Variants in FGF20 observed in about 807,000 individuals in gnomAD.
FGF20 encodes the protein fibroblast growth factor 20.
FGF20 carries 8 observed loss-of-function variants against 16.7 expected under a neutral mutation model. That is an observed-to-expected ratio of 0.48 (90% CI 0.28 to 0.87). The LOEUF is 0.87. Ranked by LOEUF, FGF20 falls within the 40% of genes least tolerant of loss-of-function variation. The probability of loss-of-function intolerance (pLI) is 0.10; values close to 1 mark genes in which losing one functional copy is unlikely to be tolerated. For synonymous variants in FGF20, 161 were observed against 118.6 expected (o/e 1.36, Z -2.32); for missense variants, 397 against 281.4 (o/e 1.41, Z -2.94).
intron 1 of FGF20, among the ~76,000 whole-genome samples, chr8:17,001,352 T>C (rs550443070): frequency 2.0e-5 from 3 of 151,984 alleles, no homozygotes; most frequent in Admixed American, 6.5e-5. Flanking sequence ...GAGAGAAACA[T>C]ACAGGGATTT....
chr8:16,994,491 T>C, intron 2 of FGF20, among the ~76,000 whole-genome samples: 1 of 151,888 alleles, frequency 6.6e-6, no homozygotes. Context: ...TCTATTGTAA[T>C]TCTATTAATC....
Position 16,992,782 on chromosome 8 carries a change from T to A in FGF20, c.*290A>T. ...AGGTGAGGCACCAGCAGCAACCATG[T>A]GAGGGTTCCCATTATCCACAGTTTA... On this transcript the variant is annotated 3_prime_UTR_variant, in exon 3 of 3. Transcript: ENST00000180166. The A allele has an allele frequency of 4.0e-6, 1 of 252,872 alleles. No homozygotes were observed. The highest frequency in any genetic ancestry group is 5.2e-5 in the Admixed American group (1 of 19,292). 15.7% of individuals were successfully genotyped at this position (252,872 alleles called of 1,614,324 possible). A position where few individuals can be genotyped will look rare whatever the true frequency, so the allele number is the denominator to read the frequency against.
At chr8:17,001,111 G>C (rs1810170123) in intron 1 of FGF20, among the ~76,000 whole-genome samples, 1 of 121,434 alleles carries the variant, frequency 8.2e-6, no homozygotes, top group African/African-American at 3.7e-5. Flanking sequence ...ACCTCAGACA[G>C]GTGAGCCCTA....
chr8:17,001,340 C>T (rs1208428824), intron 1 of FGF20, among the ~76,000 whole-genome samples: 1 of 152,026 alleles, frequency 6.6e-6, no homozygotes, highest in South Asian at 2.1e-4. Context: ...GAAAGGAAAT[C>T]GGAGAGAAAC....
chr8:16,995,501 G>C (rs1189814136), intron 2 of FGF20, among the ~76,000 whole-genome samples, 154 bp downstream of exon 2: 1 of 152,086 alleles, frequency 6.6e-6, no homozygotes, highest in Non-Finnish European at 1.5e-5. Flanking sequence ...CTATTGCCCA[G>C]ACACATGGAA....
Position 16,992,307 on chromosome 8 carries a change from T to C in FGF20, c.*765A>G, listed in dbSNP as rs1366542410. 5 of 152,084 alleles carry C rather than the reference T, an allele frequency of 3.3e-5. No individual in the cohort carries two copies. The highest frequency in any genetic ancestry group is 6.5e-5 in the Admixed American group (1 of 15,274). 9.4% of individuals were successfully genotyped at this position (152,084 alleles called of 1,614,324 possible). A position where few individuals can be genotyped will look rare whatever the true frequency, so the allele number is the denominator to read the frequency against. ...AATTGACTGCATAAAAAATATAATC[T>C]ATACTATATTTTAAAAAGAAATTCA... On this transcript the variant is annotated 3_prime_UTR_variant, in exon 3 of 3. Transcript: ENST00000180166.
rs760057737 is a variant in FGF20 at position 17,001,885 on chromosome 8, C to A, written c.148G>T (p.Gly50Cys). 7.0e-7 allele frequency: 1 copy of A among 1,437,110 alleles called. No homozygotes were observed. The highest frequency in any genetic ancestry group is 9.1e-7 in the Non-Finnish European group (1 of 1,100,166). 89.0% of individuals were successfully genotyped at this position (1,437,110 alleles called of 1,614,324 possible). Reference protein sequence around the residue: ...RRSAAERSARGGPGAAQLAHL... With the variant: ...RRSAAERSARCGPGAAQLAHL... ...GCCAGCTGCGCAGCCCCCGGCCCGC[C>A]GCGCGCGCTCCGCTCCGCCGCGCTC... The change falls in exon 1 of 3, where the codon GGC becomes TGC. Residue 50 changes from glycine to cysteine, a missense_variant. Gly to Cys is a radical substitution (Grantham distance 159). Coordinates refer to ENST00000180166, the MANE Select transcript of FGF20 (RefSeq NM_019851.3).
At chr8:16,998,063 T>C (rs1810097556) in intron 1 of FGF20, among the ~76,000 whole-genome samples, 2 of 152,196 alleles carry the variant, frequency 1.3e-5, no homozygotes, top group South Asian at 4.1e-4. Flanking sequence ...CAATAAAATA[T>C]GGCTTTAATG....
chr8:16,999,483 G>A (rs1231862067), intron 1 of FGF20, among the ~76,000 whole-genome samples: 1 of 137,502 alleles, frequency 7.3e-6, no homozygotes. Context: ...TTTTTTTTCT[G>A]TCACTGGAGA....
intron 2 of FGF20, among the ~76,000 whole-genome samples, chr8:16,994,372 G>A (rs1249302053): frequency 2.0e-5 from 3 of 152,074 alleles, no homozygotes; most frequent in East Asian, 1.9e-4. Flanking sequence ...GATCTTTTAC[G>A]ATTAAGATTT....
In FGF20 at chr8:16,992,353, G is replaced by C. The variant is rs1441643174; in HGVS notation, c.*719C>G. 1 of 151,952 alleles carries C rather than the reference G, an allele frequency of 6.6e-6. No individual in the cohort carries two copies. The highest frequency in any genetic ancestry group is 1.5e-5 in the Non-Finnish European group (1 of 67,970). 9.4% of individuals were successfully genotyped at this position (151,952 alleles called of 1,614,324 possible). ...ATTCAAAATCTGATTCTATGGTTAA[G>C]GTGGTATAATAATGTCCTCTTTACA... On this transcript the variant is annotated 3_prime_UTR_variant, in exon 3 of 3. Coordinates refer to ENST00000180166, the MANE Select transcript of FGF20 (RefSeq NM_019851.3).
rs1053348073 is a variant in FGF20, at chr8:17,001,701, C to A, written c.286+46G>T. ...GGTGCAAGGGGAGGGAACGAGGAGC[C>A]GAGCTGGGGCGCAGATGGGGGTGGG... On this transcript the variant is annotated intron_variant, in intron 1 of 2. Coordinates refer to ENST00000180166, the MANE Select transcript of FGF20 (RefSeq NM_019851.3). 9 of 1,513,738 alleles carry A rather than the reference C, an allele frequency of 5.9e-6. No homozygotes were observed. In the East Asian group the frequency reaches 2.2e-4, roughly 37 times the overall value. The allele number at this position is 1,513,738 out of a possible 1,614,324, so 93.8% of individuals were successfully genotyped here.
chr8:16,998,442 T>G (rs1810106053), intron 1 of FGF20, among the ~76,000 whole-genome samples: 1 of 152,238 alleles, frequency 6.6e-6, no homozygotes, highest in Admixed American at 6.5e-5. Flanking sequence ...CATTTGATTC[T>G]TAAATGAGAT....
Position 16,992,289 on chromosome 8 carries a change from T to G in FGF20, c.*783A>C, listed in dbSNP as rs1458157845. On this transcript the variant is annotated 3_prime_UTR_variant, in exon 3 of 3. Transcript: ENST00000180166. ...ACGTTACATTTAGAAGGCAATTGAC[T>G]GCATAAAAAATATAATCTATACTAT... 2 of 152,140 alleles carry G rather than the reference T, an allele frequency of 1.3e-5. No homozygotes were observed. Among genetic ancestry groups the G allele is most frequent in the African/African-American group, 4.8e-5 (2 of 41,452 alleles). The allele number at this position is 152,140 out of a possible 1,614,324, so 9.4% of individuals were successfully genotyped here. A position where few individuals can be genotyped will look rare whatever the true frequency, so the allele number is the denominator to read the frequency against.
chr8:16,998,708 G>A (rs1257894244), intron 1 of FGF20, among the ~76,000 whole-genome samples: 1 of 151,748 alleles, frequency 6.6e-6, no homozygotes, highest in Non-Finnish European at 1.5e-5. Context: ...TGGAGAATAG[G>A]GGAGAATAAA....
intron 1 of FGF20, 28 bp downstream of exon 1, chr8:17,001,719 G>T: frequency 6.4e-7 from 1 of 1,555,714 alleles, no homozygotes. Flanking sequence ...GGCGCAGATG[G>T]GGGTGGGGTC....
At chr8:16,993,398 C>A in intron 2 of FGF20, 81 bp from the exon 3 acceptor site, 1 of 1,348,846 alleles carries the variant, frequency 7.4e-7, no homozygotes. Flanking sequence ...TCTATATTTT[C>A]ATTTCTTTGC....
rs746261060 is a variant in FGF20, at chr8:16,992,908, A to T, written c.*164T>A. The T allele has an allele frequency of 8.5e-5, 67 of 786,410 alleles. No individual in the cohort carries two copies. The Middle Eastern group carries it at 1.1e-3, about 13-fold the overall frequency. The allele number at this position is 786,410 out of a possible 1,614,324, so 48.7% of individuals were successfully genotyped here. ...TGATCATGATCTATTTCTAGTCAAA[A>T]TTTTTTTTGGTTTTTTTTCTCAATA... is the stretch of plus-strand genomic sequence containing the variant. On this transcript the variant is annotated 3_prime_UTR_variant, in exon 3 of 3. Coordinates refer to ENST00000180166, the MANE Select transcript of FGF20 (RefSeq NM_019851.3).
chr8:16,997,744 G>C (rs1254619084), intron 1 of FGF20, among the ~76,000 whole-genome samples: 1 of 152,120 alleles, frequency 6.6e-6, no homozygotes, highest in African/African-American at 2.4e-5. Context: ...CAAATACAGA[G>C]GTGGGGAGTG....
Sources: gnomAD v4.1 joint callset for allele counts (sites outside exome capture counted in the v4.1 genomes callset) on GRCh38, gnomAD v4.1.1 for gene constraint, MANE v1.5 for transcripts, NCBI Gene and HGNC (gene_info 2026-07-23, HGNC 2026-07-21) for gene names.